FGD4: variants seen among roughly 807,000 people sequenced by gnomAD.
The protein encoded by FGD4 is FYVE, RhoGEF and PH domain-containing protein 4.
FGD4 carries 42 observed loss-of-function variants against 102.0 expected under a neutral mutation model. The observed-to-expected ratio is 0.41, with a 90% CI of 0.32 to 0.53. The LOEUF is 0.53. FGD4 is among the 20% of genes least tolerant of loss of function. The pLI is 0.21. For missense variants in FGD4, 902 were observed against 1,078.2 expected, an observed-to-expected ratio of 0.84 and a Z score of 2.29; for synonymous variants, 380 against 375.7, an observed-to-expected ratio of 1.01 and a Z score of -0.13.
chr12:32,524,655 ACT>A (rs1055051011), intron 1 of FGD4, among the ~76,000 whole-genome samples: 26 of 152,048 alleles, frequency 1.7e-4, no homozygotes, highest in Non-Finnish European at 2.9e-4. Context: ...GGAGACTCTG[ACT>A]CTACAAAAAA....
At chr12:32,625,837 C>T (rs1319087364) in intron 14 of FGD4, 58 bp downstream of exon 14, 1 of 1,604,678 alleles carries the variant, frequency 6.2e-7, no homozygotes, top group Non-Finnish European at 8.5e-7. Context: ...GATGTAAAGT[C>T]ATCAACTAGG....
chr12:32,400,640 A>G (rs1438263835), intron 1 of FGD4, among the ~76,000 whole-genome samples: 2 of 152,174 alleles, frequency 1.3e-5, no homozygotes, highest in African/African-American at 4.8e-5. Context: ...TGTCTTGTAA[A>G]TGTGTTCTCT....
At chr12:32,483,122 TTG>T (rs963811493) in intron 1 of FGD4, among the ~76,000 whole-genome samples, 48 of 151,972 alleles carry the variant, frequency 3.2e-4, no homozygotes, top group African/African-American at 1.1e-3. Flanking sequence ...ATGATAATTT[TTG>T]TGTGTGTGTG....
At chr12:32,582,681 CTG>C (rs1289598500) in intron 4 of FGD4, 1 of 613,836 alleles carries the variant, frequency 1.6e-6, no homozygotes. Context: ...GTTAATATCT[CTG>C]TTGTAATTTC....
chr12:32,609,577 C>T (rs1949014204), intron 8 of FGD4, among the ~76,000 whole-genome samples: 1 of 152,034 alleles, frequency 6.6e-6, no homozygotes, highest in African/African-American at 2.4e-5. Flanking sequence ...TTTGGTATCC[C>T]CTTAGATGCC....
chr12:32,560,533 T>G (rs1165278254), intron 1 of FGD4, among the ~76,000 whole-genome samples: 1 of 152,152 alleles, frequency 6.6e-6, no homozygotes, highest in Admixed American at 6.5e-5. Flanking sequence ...TGAGATTACG[T>G]GAGCCACTGC....
At chr12:32,519,119 GAAAAA>G (rs751377618) in intron 1 of FGD4, among the ~76,000 whole-genome samples, 5 of 73,428 alleles carry the variant, frequency 6.8e-5, no homozygotes, top group East Asian at 5.0e-4. Context: ...TCCGTCTCAG[GAAAAA>G]AAAAAAAAAA....
intron 3 of FGD4, 52 bp downstream of exon 3, chr12:32,576,501 T>A: frequency 1.3e-6 from 2 of 1,589,432 alleles, no homozygotes; most frequent in Non-Finnish European, 1.7e-6. Context: ...AAGCTGATTT[T>A]CGAAAAAATG....
chr12:32,615,453 T>C (rs1343860950), intron 10 of FGD4, among the ~76,000 whole-genome samples: 1 of 152,196 alleles, frequency 6.6e-6, no homozygotes, highest in Non-Finnish European at 1.5e-5. Context: ...TATGTGAATA[T>C]CTTCATAATT....
intron 1 of FGD4, among the ~76,000 whole-genome samples, chr12:32,517,243 C>T (rs770604489): frequency 1.3e-5 from 2 of 152,154 alleles, no homozygotes; most frequent in Admixed American, 6.5e-5. Context: ...CTTGCCCAGG[C>T]GTCACAGGTG....
chr12:32,570,195 C>G (rs762576242), intron 2 of FGD4, among the ~76,000 whole-genome samples: 14 of 142,522 alleles, frequency 9.8e-5, no homozygotes, highest in African/African-American at 3.7e-4. Flanking sequence ...GAGCTGAGAT[C>G]GCGCCATTGC....
intron 1 of FGD4, among the ~76,000 whole-genome samples, chr12:32,456,340 G>A (rs1942948739): frequency 6.6e-6 from 1 of 152,132 alleles, no homozygotes; most frequent in Non-Finnish European, 1.5e-5. Flanking sequence ...GCATGTATTT[G>A]TAAGGGGACA....
chr12:32,604,728 T>C (rs7308371), intron 7 of FGD4, among the ~76,000 whole-genome samples: 63,165 of 151,492 alleles, frequency 0.42, 14,766 homozygotes, highest in African/African-American at 0.64. Context: ...GTCCTCACAG[T>C]CCGTGCCACC....
chr12:32,609,489 A>G (rs1356140506), intron 8 of FGD4, among the ~76,000 whole-genome samples: 1 of 152,166 alleles, frequency 6.6e-6, no homozygotes, highest in African/African-American at 2.4e-5. Flanking sequence ...TGGATCCTGT[A>G]TCAAGTGCAC....
chr12:32,534,335 C>A, intron 1 of FGD4: 2 of 1,422,824 alleles, frequency 1.4e-6, no homozygotes, highest in South Asian at 1.5e-5. Flanking sequence ...GTGCATTGGT[C>A]TGAGCTCCTG....
Position 32,640,705 on chromosome 12 carries a change from G to A in FGD4, c.*172G>A. 1.1e-6 allele frequency: 1 copy of A among 891,114 alleles called. No individual in the cohort carries two copies. Among genetic ancestry groups the A allele is most frequent in the East Asian group, 2.7e-5 (1 of 37,644 alleles). The allele number at this position is 891,114 out of a possible 1,614,324, so 55.2% of individuals were successfully genotyped here. On this transcript the variant is annotated 3_prime_UTR_variant, in exon 17 of 17. Transcript: ENST00000534526. ...GTACTCTTAGTGAAATTAGTGTGCA[G>A]AGTCATTCTACCGATAAAGTTTTGA...
At chr12:32,422,595 T>G (rs1252347376) in intron 1 of FGD4, among the ~76,000 whole-genome samples, 1 of 151,978 alleles carries the variant, frequency 6.6e-6, no homozygotes, top group Non-Finnish European at 1.5e-5. Flanking sequence ...ATTTTAAAAA[T>G]TATGTGACAT....
At chr12:32,508,548 A>G (rs943497816) in intron 1 of FGD4, among the ~76,000 whole-genome samples, 1 of 152,276 alleles carries the variant, frequency 6.6e-6, no homozygotes, top group African/African-American at 2.4e-5. Context: ...GATGAAGTCA[A>G]AAAAGCTCTT....
At chr12:32,595,154 G>A (rs929455311) in intron 4 of FGD4, among the ~76,000 whole-genome samples, 4 of 151,926 alleles carry the variant, frequency 2.6e-5, no homozygotes, top group African/African-American at 9.7e-5. Flanking sequence ...ATATTGATAG[G>A]TGTCTTATGT....
Sources: gnomAD v4.1 joint callset for allele counts (sites outside exome capture counted in the v4.1 genomes callset) on GRCh38, gnomAD v4.1.1 for gene constraint, MANE v1.5 for transcripts, NCBI Gene and HGNC (gene_info 2026-07-23, HGNC 2026-07-21) for gene names.